Variants in NAALADL2 observed in about 807,000 individuals in gnomAD.
The protein encoded by NAALADL2 is N-acetylated alpha-linked acidic dipeptidase like 2.
A neutral mutation model predicts 87.2 loss-of-function variants in NAALADL2; 76 were observed. The ratio of observed to expected loss-of-function variants is 0.87; its 90% CI spans 0.72 to 1.05. The LOEUF (loss-of-function observed/expected upper bound fraction) is 1.05, where lower values mean the gene tolerates loss of function less well. NAALADL2 is among the 50% of genes least tolerant of loss of function. The pLI, the probability that NAALADL2 is intolerant of heterozygous loss-of-function variation, is 0.00. For missense variants in NAALADL2, 1,089 were observed against 945.8 expected, an observed-to-expected ratio of 1.15 and a Z score of -1.99; for synonymous variants, 354 against 331.0, an observed-to-expected ratio of 1.07 and a Z score of -0.75.
chr3:175,250,408 CAG>C (rs1748849028), intron 3 of NAALADL2, among the ~76,000 whole-genome samples: 1 of 151,980 alleles, frequency 6.6e-6, no homozygotes, highest in African/African-American at 2.4e-5. Context: ...CTCCATAACT[CAG>C]ATAATAAATT....
At chr3:175,662,368 T>C (rs1732379496) in intron 11 of NAALADL2, among the ~76,000 whole-genome samples, 1 of 152,006 alleles carries the variant, frequency 6.6e-6, no homozygotes, top group Non-Finnish European at 1.5e-5. Context: ...GCTAAATTTA[T>C]CAGTTCTCAG....
chr3:174,542,812 G>A (rs781012275), intron 1 of NAALADL2, among the ~76,000 whole-genome samples: 1 of 152,154 alleles, frequency 6.6e-6, no homozygotes, highest in Non-Finnish European at 1.5e-5. Flanking sequence ...GCTGGCTCTG[G>A]CCAGTTTCTT....
At chr3:174,520,246 C>T (rs1193533995) in intron 1 of NAALADL2, among the ~76,000 whole-genome samples, 1 of 152,038 alleles carries the variant, frequency 6.6e-6, no homozygotes, top group Admixed American at 6.6e-5. Flanking sequence ...AGAAAGAGCC[C>T]GAATAGCCAA....
intron 2 of NAALADL2, among the ~76,000 whole-genome samples, chr3:175,219,967 G>A (rs1041603860): frequency 6.1e-5 from 8 of 132,184 alleles, no homozygotes; most frequent in Admixed American, 5.3e-4. Flanking sequence ...CTAATTGTTT[G>A]TTATTTTAAT....
intron 5 of NAALADL2, among the ~76,000 whole-genome samples, chr3:175,349,520 C>A (rs1763516657): frequency 6.6e-6 from 1 of 152,150 alleles, no homozygotes; most frequent in South Asian, 2.1e-4. Flanking sequence ...ATCCCAAAAG[C>A]TTGGGGAAGT....
At chr3:175,267,389 T>G (rs1005138224) in intron 4 of NAALADL2, among the ~76,000 whole-genome samples, 3 of 152,006 alleles carry the variant, frequency 2.0e-5, no homozygotes, top group Admixed American at 2.0e-4. Flanking sequence ...CCCAATTAAG[T>G]AATTTATTTT....
At chr3:175,349,300 C>CAACTATG (rs1763486824) in intron 5 of NAALADL2, among the ~76,000 whole-genome samples, 1 of 150,936 alleles carries the variant, frequency 6.6e-6, no homozygotes, top group Non-Finnish European at 1.5e-5. Flanking sequence ...TGTTAAGCAA[C>CAACTATG]AACTATGTGG....
At chr3:175,157,347 A>G (rs114316034) in intron 2 of NAALADL2, among the ~76,000 whole-genome samples, 3,123 of 152,148 alleles carry the variant, frequency 0.021, 51 homozygotes, top group Non-Finnish European at 0.028. Context: ...TATTTTTTCT[A>G]TTTTACATAT....
At chr3:175,099,591 C>T (rs1017139334) in intron 2 of NAALADL2, among the ~76,000 whole-genome samples, 3 of 152,138 alleles carry the variant, frequency 2.0e-5, no homozygotes, top group South Asian at 2.1e-4. Flanking sequence ...GCCTTAATTC[C>T]GTACCTCCTA....
chr3:175,232,075 G>C (rs957107469), intron 2 of NAALADL2, among the ~76,000 whole-genome samples: 2 of 151,738 alleles, frequency 1.3e-5, no homozygotes, highest in African/African-American at 2.4e-5. Context: ...TGGCACTGTT[G>C]ACTGATCCAA....
chr3:175,465,770 T>A (rs1427505816), intron 7 of NAALADL2, among the ~76,000 whole-genome samples: 1 of 152,176 alleles, frequency 6.6e-6, no homozygotes. Context: ...CGCCCATTAA[T>A]TAAACCTTAA....
At chr3:175,488,878 G>A (rs1047091133) in intron 9 of NAALADL2, among the ~76,000 whole-genome samples, 7 of 152,188 alleles carry the variant, frequency 4.6e-5, no homozygotes, top group Non-Finnish European at 7.3e-5. Context: ...CTGGTTATAA[G>A]CCAGATATAT....
intron 2 of NAALADL2, among the ~76,000 whole-genome samples, chr3:175,233,212 A>G (rs1392240395): frequency 6.6e-6 from 1 of 152,200 alleles, no homozygotes; most frequent in Non-Finnish European, 1.5e-5. Context: ...ATTATTTTAA[A>G]TAGCAATAAC....
intron 11 of NAALADL2, among the ~76,000 whole-genome samples, chr3:175,646,171 T>C (rs1729977963): frequency 6.6e-6 from 1 of 152,100 alleles, no homozygotes; most frequent in Non-Finnish European, 1.5e-5. Flanking sequence ...TTTTTATGTA[T>C]AGCTTTTAAA....
chr3:175,584,656 C>G (rs1448222424), intron 10 of NAALADL2, among the ~76,000 whole-genome samples: 1 of 152,190 alleles, frequency 6.6e-6, no homozygotes, highest in East Asian at 1.9e-4. Context: ...TATGGCGTAG[C>G]CTATTCATCC....
intron 1 of NAALADL2, among the ~76,000 whole-genome samples, chr3:174,866,304 A>G (rs184159604): frequency 6.6e-6 from 1 of 152,012 alleles, no homozygotes; most frequent in Non-Finnish European, 1.5e-5. Flanking sequence ...ATATAAGAAT[A>G]TTGACATAGA....
At chr3:174,737,205 C>T (rs1167140265) in intron 2 of NAALADL2, among the ~76,000 whole-genome samples, 3 of 152,222 alleles carry the variant, frequency 2.0e-5, no homozygotes, top group Admixed American at 2.0e-4. Context: ...CCTCTATATT[C>T]CCCAGGCAGG....
intron 1 of NAALADL2, among the ~76,000 whole-genome samples, chr3:175,015,652 C>T (rs1750715104): frequency 1.3e-5 from 2 of 152,042 alleles, no homozygotes; most frequent in Non-Finnish European, 2.9e-5. Context: ...GAAAATATAT[C>T]ATTTAGTTTC....
At chr3:174,651,170 T>C (rs894727715) in intron 2 of NAALADL2, among the ~76,000 whole-genome samples, 1 of 152,228 alleles carries the variant, frequency 6.6e-6, no homozygotes, top group African/African-American at 2.4e-5. Flanking sequence ...TATGATGATA[T>C]GTTCACATGT....
Sources: gnomAD v4.1 joint callset for allele counts (sites outside exome capture counted in the v4.1 genomes callset) on GRCh38, gnomAD v4.1.1 for gene constraint, MANE v1.5 for transcripts, NCBI Gene and HGNC (gene_info 2026-07-23, HGNC 2026-07-21) for gene names.